The following IRAK2 variants were observed in gnomAD, a reference collection of about 807,000 sequenced individuals.
IRAK2 encodes interleukin-1 receptor-associated kinase-like 2.
In IRAK2, 57 loss-of-function variants were observed where a neutral mutation model predicts 72.0. The ratio of observed to expected loss-of-function variants is 0.79; its 90% CI spans 0.64 to 0.99. The LOEUF (loss-of-function observed/expected upper bound fraction) is 0.99, where lower values mean the gene tolerates loss of function less well. IRAK2 is among the 50% of genes least tolerant of loss of function. The pLI is 0.00. For missense variants in IRAK2, 790 were observed against 794.4 expected, an observed-to-expected ratio of 0.99 and a Z score of 0.07; for synonymous variants, 293 against 312.7, an observed-to-expected ratio of 0.94 and a Z score of 0.67.
At chr3:10,213,703 A>G (rs1697558919) in intron 6 of IRAK2, among the ~76,000 whole-genome samples, 155 bp downstream of exon 6, 1 of 152,198 alleles carries the variant, frequency 6.6e-6, no homozygotes, top group Non-Finnish European at 1.5e-5. Context: ...ATTATTTTAC[A>G]GATGGGTAAA....
intron 2 of IRAK2, among the ~76,000 whole-genome samples, chr3:10,196,548 C>T (rs2125150177): frequency 6.6e-6 from 1 of 152,336 alleles, no homozygotes; most frequent in East Asian, 1.9e-4. Context: ...GTTTCAGCCA[C>T]AAAGGCCTTG....
chr3:10,164,927 C>G lies in IRAK2; in HGVS notation c.-28C>G. 4 of 1,558,660 alleles carry G rather than the reference C, an allele frequency of 2.6e-6. No homozygotes were observed. Among genetic ancestry groups the G allele is most frequent in the East Asian group, 2.3e-5 (1 of 42,772 alleles). ...CCCGCAGTGTCCGACCCAGTCGTCC[C>G]GCGCCGGAGCCGGCCCCGTAGCGTG... On this transcript the variant is annotated 5_prime_UTR_variant, in exon 1 of 13. Coordinates refer to ENST00000256458, the MANE Select transcript of IRAK2 (RefSeq NM_001570.4).
chr3:10,165,102 T>C, intron 1 of IRAK2, 54 bp downstream of exon 1: 1 of 1,499,326 alleles, frequency 6.7e-7, no homozygotes, highest in Non-Finnish European at 9.2e-7. Flanking sequence ...CCCCCAGCGA[T>C]CCCGCCTGGA....
Position 10,209,680 on chromosome 3 carries a change from G to T in IRAK2, c.516G>T (p.Ser172=), listed in dbSNP as rs1389889006. The change falls in exon 4 of 13, where the codon TCG becomes TCT. Residue 172 remains serine (S), a synonymous_variant. Transcript: ENST00000256458. ...CCTTGAGAAGCGACCTCCCCACTTC[G>T]TCTGATTCAAAGGTAAATCCACCCC... ...PHSLRSDLPT[S]SDSKDFSTSI... 18 of 1,524,300 alleles carry T rather than the reference G, an allele frequency of 1.2e-5. No homozygotes were observed. Among genetic ancestry groups the T allele is most frequent in the Non-Finnish European group, 1.5e-5 (17 of 1,137,074 alleles). 94.4% of individuals were successfully genotyped at this position (1,524,300 alleles called of 1,614,324 possible).
At chr3:10,241,129 G>A (rs1171382947) in intron 12 of IRAK2, among the ~76,000 whole-genome samples, 1 of 151,780 alleles carries the variant, frequency 6.6e-6, no homozygotes, top group Non-Finnish European at 1.5e-5. Context: ...GCTCATTACA[G>A]CTGGGTGCAG....
intron 3 of IRAK2, 109 bp downstream of exon 3, chr3:10,200,624 C>A: frequency 5.7e-6 from 5 of 871,888 alleles, no homozygotes; most frequent in Non-Finnish European, 8.3e-6. Flanking sequence ...TGAGGCTGAG[C>A]ATGGTGGCCC....
chr3:10,194,455 G>C (rs1363758226), intron 2 of IRAK2, among the ~76,000 whole-genome samples: 1 of 152,218 alleles, frequency 6.6e-6, no homozygotes, highest in Non-Finnish European at 1.5e-5. Context: ...GCTCACTCCT[G>C]AGCCTTGGCC....
chr3:10,239,111 T>C, intron 12 of IRAK2, 72 bp downstream of exon 12: 1 of 1,340,166 alleles, frequency 7.5e-7, no homozygotes, highest in South Asian at 1.4e-5. Flanking sequence ...ATTTTTTCTT[T>C]CTGTTGCCTT....
chr3:10,226,151 C>G (rs1697772252), intron 9 of IRAK2, among the ~76,000 whole-genome samples: 1 of 152,142 alleles, frequency 6.6e-6, no homozygotes, highest in Non-Finnish European at 1.5e-5. Context: ...CTCTGCCTGG[C>G]TATCAATTAA....
intron 1 of IRAK2, among the ~76,000 whole-genome samples, chr3:10,165,909 T>C (rs1183138026): frequency 6.6e-6 from 1 of 152,008 alleles, no homozygotes; most frequent in Non-Finnish European, 1.5e-5. Flanking sequence ...TTTGTATTCT[T>C]AGTAGAGACG....
intron 2 of IRAK2, among the ~76,000 whole-genome samples, chr3:10,184,340 T>C (rs1697009540): frequency 6.6e-6 from 1 of 152,222 alleles, no homozygotes; most frequent in Non-Finnish European, 1.5e-5. Flanking sequence ...CATTAGCAGT[T>C]TCTGCCACGG....
At chr3:10,185,430 G>T (rs1697059480) in intron 2 of IRAK2, among the ~76,000 whole-genome samples, 1 of 150,556 alleles carries the variant, frequency 6.6e-6, no homozygotes, top group Admixed American at 6.6e-5. Flanking sequence ...GGTGGTGCAT[G>T]CCTGTAATCC....
At chr3:10,217,134 G>A in intron 7 of IRAK2, 86 bp downstream of exon 7, 1 of 942,452 alleles carries the variant, frequency 1.1e-6, no homozygotes, top group Non-Finnish European at 1.7e-6. Flanking sequence ...GAAGTTCAGA[G>A]GGGAGAGGGG....
At chr3:10,180,955 C>T (rs917256695) in intron 2 of IRAK2, among the ~76,000 whole-genome samples, 3 of 151,958 alleles carry the variant, frequency 2.0e-5, no homozygotes, top group Non-Finnish European at 4.4e-5. Context: ...GGGAATGGGG[C>T]GATCTGGCTA....
intron 11 of IRAK2, among the ~76,000 whole-genome samples, chr3:10,238,467 C>A (rs976591154): frequency 2.0e-4 from 31 of 152,136 alleles, no homozygotes; most frequent in African/African-American, 7.0e-4. Context: ...TTCTGATTGG[C>A]CAGCTTCGAT....
At chr3:10,170,728 G>C (rs979297908) in intron 1 of IRAK2, among the ~76,000 whole-genome samples, 1 of 152,210 alleles carries the variant, frequency 6.6e-6, no homozygotes, top group African/African-American at 2.4e-5. Context: ...GAGCTGCCAG[G>C]CCTTGGTGTG....
intron 2 of IRAK2, among the ~76,000 whole-genome samples, chr3:10,190,187 A>G (rs142882311): frequency 3.4e-3 from 514 of 149,410 alleles, no homozygotes; most frequent in African/African-American, 0.012. Context: ...CACTTGCCCC[A>G]TCTGGAAAAT....
chr3:10,187,072 C>T lies in IRAK2; in HGVS notation c.277+9052C>T, dbSNP rs1269579078. Among the ~76,000 whole-genome samples, 15 of 150,422 alleles carry T rather than the reference C, an allele frequency of 1.0e-4. 1 individual carries two copies. The highest frequency in any genetic ancestry group is 1.0e-3 in the Admixed American group (15 of 15,070). ...TCTGAAGTGCATTTCTTTTGAGTGT[C>T]ATGTTGTTGCTCAAGAAGTTTTGGA... On this transcript the variant is annotated intron_variant, in intron 2 of 12. Coordinates refer to ENST00000256458, the MANE Select transcript of IRAK2 (RefSeq NM_001570.4).
intron 2 of IRAK2, among the ~76,000 whole-genome samples, chr3:10,198,575 A>G (rs944843061): frequency 3.3e-5 from 5 of 152,268 alleles, no homozygotes; most frequent in African/African-American, 4.8e-5. Flanking sequence ...ACTCAAAAAT[A>G]AAATGCAGAT....
Sources: gnomAD v4.1 joint callset for allele counts (sites outside exome capture counted in the v4.1 genomes callset) on GRCh38, gnomAD v4.1.1 for gene constraint, MANE v1.5 for transcripts, NCBI Gene and HGNC (gene_info 2026-07-23, HGNC 2026-07-21) for gene names.